The following ZBTB7B variants were observed in gnomAD, a reference collection of about 807,000 sequenced individuals.
ZBTB7B encodes the protein zinc finger and BTB domain-containing protein 7B.
In ZBTB7B, 8 loss-of-function variants were observed where a neutral mutation model predicts 31.0. The observed-to-expected ratio is 0.26, with a 90% CI of 0.15 to 0.47. The LOEUF is 0.47. Ranked by LOEUF, ZBTB7B falls within the 20% of genes least tolerant of loss-of-function variation. The probability of loss-of-function intolerance (pLI) is 0.99; values close to 1 mark genes in which losing one functional copy is unlikely to be tolerated. For synonymous variants in ZBTB7B, 261 were observed against 307.3 expected, an observed-to-expected ratio of 0.85 and a Z score of 1.58; for missense variants, 494 against 742.4, an observed-to-expected ratio of 0.67 and a Z score of 3.89.
At position 155,015,346 on chromosome 1, in the gene ZBTB7B, A is replaced by G; in HGVS notation, c.686A>G (p.His229Arg). ...CCTGAGGTGCCCACAGTGCCCGCCC[A>G]TCCCTTGACCTATGAGGAGGAGGAG... is the stretch of plus-strand genomic sequence containing the variant. Reference protein sequence around the residue: ...LVPEVPTVPAHPLTYEEEEVA... With the variant: ...LVPEVPTVPARPLTYEEEEVA... The change falls in exon 2 of 3, where the codon CAT becomes CGT. Residue 229 changes from histidine (H) to arginine (R), a missense_variant. This residue lies in a region of ZBTB7B where 216 missense variants were observed against 229.3 expected (regional missense o/e 0.94). Coordinates refer to ENST00000535420, the MANE Select transcript of ZBTB7B (RefSeq NM_001256455.2). 1 of 1,590,472 alleles carries G rather than the reference A, an allele frequency of 6.3e-7. No individual in the cohort carries two copies. The highest frequency in any genetic ancestry group is 8.6e-7 in the Non-Finnish European group (1 of 1,165,294).
chr1:155,005,881 G>T (rs1432271915), intron 1 of ZBTB7B, among the ~76,000 whole-genome samples: 2 of 152,194 alleles, frequency 1.3e-5, no homozygotes, highest in Non-Finnish European at 2.9e-5. Flanking sequence ...CACAGAAGCG[G>T]CCAGGCGCCA....
At chr1:155,009,643 A>C (rs1571514357) in intron 1 of ZBTB7B, among the ~76,000 whole-genome samples, 1 of 147,846 alleles carries the variant, frequency 6.8e-6, no homozygotes, top group African/African-American at 2.5e-5. Context: ...ACCCCCCTCC[A>C]CCACTCATTC....
chr1:155,007,275 G>T (rs1226981297), intron 1 of ZBTB7B, among the ~76,000 whole-genome samples: 6 of 152,184 alleles, frequency 3.9e-5, no homozygotes, highest in African/African-American at 7.2e-5. Flanking sequence ...CCTGGCAGGG[G>T]TGAAACAGAG....
At chr1:155,005,799 G>A (rs564397243) in intron 1 of ZBTB7B, among the ~76,000 whole-genome samples, 20 of 152,288 alleles carry the variant, frequency 1.3e-4, no homozygotes, top group South Asian at 1.2e-3. Context: ...GAGTAAACTC[G>A]TGAGTAAACT....
At chr1:155,009,073 A>C (rs1658759808) in intron 1 of ZBTB7B, among the ~76,000 whole-genome samples, 1 of 152,204 alleles carries the variant, frequency 6.6e-6, no homozygotes, top group South Asian at 2.1e-4. Context: ...GGACTGAAAA[A>C]CAGGTCAGGA....
rs1659632274 is a variant in ZBTB7B, at chr1:155,018,494, C to T, written c.*1809C>T. On this transcript the variant is annotated 3_prime_UTR_variant, in exon 3 of 3. Coordinates refer to ENST00000535420, the MANE Select transcript of ZBTB7B (RefSeq NM_001256455.2). ...ACTCCCCCACCTCGGGTGTAAGCGA[C>T]AGGAAGAAATAATAATAATTTAAGA... 1 of 1,565,506 alleles carries T rather than the reference C, an allele frequency of 6.4e-7. No homozygotes were observed. Among genetic ancestry groups the T allele is most frequent in the African/African-American group, 1.4e-5 (1 of 73,348 alleles).
rs772505267 is a variant in ZBTB7B, at chr1:155,016,586, C to A, written c.1521C>A (p.Pro507=). 7.4e-6 allele frequency: 12 copies of A among 1,613,634 alleles called. No homozygotes were observed. The highest frequency in any genetic ancestry group is 9.3e-6 in the Non-Finnish European group (11 of 1,179,768). The change falls in exon 3 of 3, where the codon CCC becomes CCA. Residue 507 remains proline (P), a synonymous_variant. Transcript: ENST00000535420. The surrounding 1 kb of genome is among the most constrained non-coding windows in gnomAD (Gnocchi z 4.3). Reference sequence around the variant, plus strand: ...CTCGATTCTGGGAGCAGTCAGCCCCCACTGGGCCCCCGGTCTCTACCCCAG... The same window carrying A: ...CTCGATTCTGGGAGCAGTCAGCCCCAACTGGGCCCCCGGTCTCTACCCCAG... ...SLARFWEQSA[P]TGPPVSTPGP... is the part of the protein sequence containing the mutation.
rs544976317 is a variant in ZBTB7B at position 155,018,443 on chromosome 1, C to A, written c.*1758C>A. The A allele has an allele frequency of 8.9e-5, 107 of 1,205,654 alleles. No individual in the cohort carries two copies. The highest frequency in any genetic ancestry group is 5.8e-4 in the African/African-American group (38 of 65,682). 74.7% of individuals were successfully genotyped at this position (1,205,654 alleles called of 1,614,324 possible). A position where few individuals can be genotyped will look rare whatever the true frequency, so the allele number is the denominator to read the frequency against. ...GCCTTAGGGGGAGAGGCACTCCCCC[C>A]CTCCTATTCCCTTCCCCCCACCCCA... On this transcript the variant is annotated 3_prime_UTR_variant, in exon 3 of 3. Transcript: ENST00000535420.
In ZBTB7B at chr1:155,003,450, G is replaced by A. The variant is rs1048823232; in HGVS notation, c.-7+507G>A. On this transcript the variant is annotated intron_variant, in intron 1 of 2. Transcript: ENST00000535420. The surrounding 1 kb of genome is among the most constrained non-coding windows in gnomAD (Gnocchi z 5.8). ...GGGCGCAGGAGGAGCCGCGGCTTGG[G>A]GGAAAGTTACCGGCTGGACTATTCG... Among the ~76,000 whole-genome samples the A allele has an allele frequency of 5.9e-5, 9 of 152,152 alleles. No individual in the cohort carries two copies. Among genetic ancestry groups the A allele is most frequent in the African/African-American group, 1.9e-4 (8 of 41,422 alleles).
At chr1:155,013,906 G>A in intron 1 of ZBTB7B, 1 of 364,706 alleles carries the variant, frequency 2.7e-6, no homozygotes, top group Non-Finnish European at 3.8e-6. Context: ...GCCTGGAGAA[G>A]TGGGGGATCT....
chr1:155,011,096 C>A, intron 1 of ZBTB7B: 1 of 1,227,300 alleles, frequency 8.1e-7, no homozygotes, highest in Non-Finnish European at 1.1e-6. Flanking sequence ...GCTGCTAATC[C>A]TGGTTCCGCC....
Position 155,016,574 on chromosome 1 carries a change from G to A in ZBTB7B, c.1509G>A (p.Glu503=), listed in dbSNP as rs778588730. 3 of 1,613,848 alleles carry A rather than the reference G, an allele frequency of 1.9e-6. No homozygotes were observed. The highest frequency in any genetic ancestry group is 2.5e-6 in the Non-Finnish European group (3 of 1,179,890). ...GCCTCTCTCTAGCTCGATTCTGGGA[G>A]CAGTCAGCCCCCACTGGGCCCCCGG... ...TFRLSLARFW[E]QSAPTGPPVS... Residue 503 remains glutamate (E), a synonymous_variant, in exon 3 of 3, where the codon GAG becomes GAA. Coordinates refer to ENST00000535420, the MANE Select transcript of ZBTB7B (RefSeq NM_001256455.2). The surrounding 1 kb of genome is among the most constrained non-coding windows in gnomAD (Gnocchi z 4.3).
Position 155,004,192 on chromosome 1 carries a change from G to C in ZBTB7B, c.-7+1249G>C, listed in dbSNP as rs1658421745. ...ACACCGGAAGTGGGTGCTGGGGAGAGGGGGAGACCGGCAGGCTGTCCAGGC... is the reference window on the plus strand; with the variant it reads ...ACACCGGAAGTGGGTGCTGGGGAGACGGGGAGACCGGCAGGCTGTCCAGGC... On this transcript the variant is annotated intron_variant, in intron 1 of 2. Transcript: ENST00000535420. The surrounding 1 kb of genome is among the most constrained non-coding windows in gnomAD (Gnocchi z 4.0). Among the ~76,000 whole-genome samples the C allele has an allele frequency of 6.6e-6, 1 of 152,170 alleles. No individual in the cohort carries two copies. The highest frequency in any genetic ancestry group is 1.9e-4 in the East Asian group (1 of 5,190).
chr1:155,011,085 T>G, intron 1 of ZBTB7B: 3 of 1,323,976 alleles, frequency 2.3e-6, no homozygotes, highest in Non-Finnish European at 3.1e-6. Flanking sequence ...CTATTTTCTC[T>G]GCTGCTAATC....
intron 1 of ZBTB7B, among the ~76,000 whole-genome samples, chr1:155,011,526 G>C (rs971047482): frequency 1.3e-5 from 2 of 152,230 alleles, no homozygotes; most frequent in African/African-American, 4.8e-5. Flanking sequence ...GGCCGGTCTA[G>C]CAGGCCTGAC....
chr1:155,012,807 C>A (rs372290134), intron 1 of ZBTB7B, among the ~76,000 whole-genome samples: 44 of 149,502 alleles, frequency 2.9e-4, no homozygotes, highest in South Asian at 1.3e-3. Flanking sequence ...TTCACCCCCC[C>A]ACCCAAAAAA....
chr1:155,010,019 G>A (rs577834921), intron 1 of ZBTB7B, among the ~76,000 whole-genome samples: 5 of 152,200 alleles, frequency 3.3e-5, no homozygotes, highest in Middle Eastern at 3.4e-3. Flanking sequence ...GACAAGGGTC[G>A]GAGGAGGCAA....
upstream of ZBTB7B, among the ~76,000 whole-genome samples, chr1:155,002,291 G>A (rs911035384): frequency 1.3e-5 from 2 of 150,856 alleles, no homozygotes; most frequent in Non-Finnish European, 3.0e-5. Flanking sequence ...CGGGGGCGGA[G>A]TTTGAGTTAA....
chr1:155,002,178 A>G (rs1423109326), upstream of ZBTB7B, among the ~76,000 whole-genome samples: 3 of 151,952 alleles, frequency 2.0e-5, no homozygotes, highest in Non-Finnish European at 4.4e-5. Context: ...GACGAACGCA[A>G]GGCGAGACCT....
Sources: gnomAD v4.1 joint callset for allele counts (sites outside exome capture counted in the v4.1 genomes callset) on GRCh38, gnomAD v4.1.1 for gene constraint, gnomAD v4.1.1 regional missense constraint, Gnocchi (gnomAD v3.1) non-coding constraint, MANE v1.5 for transcripts, NCBI Gene and HGNC (gene_info 2026-07-23, HGNC 2026-07-21) for gene names.